The following PROM1 variants were observed in gnomAD, a reference collection of about 807,000 sequenced individuals.
PROM1 encodes the protein prominin 1.
PROM1 carries 105 observed loss-of-function variants against 116.9 expected under a neutral mutation model. The observed-to-expected ratio is 0.90, with a 90% CI of 0.77 to 1.06. The LOEUF (loss-of-function observed/expected upper bound fraction) is 1.06. PROM1 is among the 50% of genes least tolerant of loss of function. The pLI, the probability that PROM1 is intolerant of heterozygous loss-of-function variation, is 0.00. For synonymous variants in PROM1, 393 were observed against 387.0 expected, an observed-to-expected ratio of 1.02 and a Z score of -0.18; for missense variants, 1,122 against 1,045.2, an observed-to-expected ratio of 1.07 and a Z score of -1.01.
chr4:16,060,100 G>A (rs1422139299), intron 2 of PROM1, among the ~76,000 whole-genome samples: 2 of 152,146 alleles, frequency 1.3e-5, no homozygotes, highest in Non-Finnish European at 2.9e-5. Flanking sequence ...GATAACAATG[G>A]TTGCCTATAA....
Position 16,072,012 on chromosome 4 carries a change from G to A in PROM1, c.220+3675C>T, listed in dbSNP as rs2149566146. On this transcript the variant is annotated intron_variant, in intron 2 of 27. Transcript: ENST00000447510. ...AATGAGCCTAAGCCCCCTGTGTAGAGTAATCCTTTTGCAGCTTCAGGCCAA... is the reference window on the plus strand; with the variant it reads ...AATGAGCCTAAGCCCCCTGTGTAGAATAATCCTTTTGCAGCTTCAGGCCAA... 2.0e-5 allele frequency among the ~76,000 whole-genome samples: 3 copies of A among 152,228 alleles called. No individual in the cohort carries two copies. The Middle Eastern group carries it at 0.01, about 518-fold the overall frequency.
intron 2 of PROM1, chr4:16,055,404 G>A (rs1278201578): frequency 4.4e-6 from 2 of 456,146 alleles, no homozygotes; most frequent in Non-Finnish European, 8.8e-6. Flanking sequence ...TGGCTGCAGG[G>A]TCTTAAATGA....
intron 8 of PROM1, among the ~76,000 whole-genome samples, chr4:16,020,673 C>CAAA (rs1338764638): frequency 1.3e-5 from 2 of 151,908 alleles, no homozygotes; most frequent in African/African-American, 2.4e-5. Context: ...CCACCACCAC[C>CAAA]AACAACAACA....
chr4:16,082,935 T>G (rs866488134), intron 1 of PROM1, among the ~76,000 whole-genome samples: 1 of 151,930 alleles, frequency 6.6e-6, no homozygotes, highest in Non-Finnish European at 1.5e-5. Flanking sequence ...AGGGTGCGCC[T>G]TGAGCACCCC....
chr4:16,053,968 C>G (rs1029195281), intron 2 of PROM1, among the ~76,000 whole-genome samples: 1 of 152,204 alleles, frequency 6.6e-6, no homozygotes, highest in Non-Finnish European at 1.5e-5. Context: ...GTGGTGAGCA[C>G]TTGTCATCCC....
chr4:16,023,909 A>G (rs529226570), intron 7 of PROM1, among the ~76,000 whole-genome samples: 1 of 152,314 alleles, frequency 6.6e-6, no homozygotes, highest in South Asian at 2.1e-4. Context: ...CGTGGCATGC[A>G]GGGTTGAGCC....
intron 1 of PROM1, chr4:16,079,432 A>C (rs1744582553): frequency 6.6e-6 from 1 of 152,234 alleles, no homozygotes; most frequent in African/African-American, 2.4e-5. Flanking sequence ...TTTAAAGTAC[A>C]TTTTAAGAAA....
chr4:15,979,848 A>C (rs1349184594), intron 25 of PROM1, 33 bp downstream of exon 25: 3 of 1,435,370 alleles, frequency 2.1e-6, no homozygotes, highest in Non-Finnish European at 2.9e-6. Context: ...CCCCCATCCC[A>C]TCTAGGAATA....
intron 2 of PROM1, among the ~76,000 whole-genome samples, chr4:16,048,480 A>T (rs1035292644): frequency 1.3e-5 from 2 of 152,168 alleles, no homozygotes; most frequent in Admixed American, 6.5e-5. Context: ...GAAGCTTCAG[A>T]CTTTTAGAAG....
chr4:16,035,725 A>C lies in PROM1; in HGVS notation c.303+10T>G, dbSNP rs181648802. Reference sequence around the variant, plus strand: ...CAAGAGCAACTTGAAATAGCAGACAAGGACTTTACCTTTAGACCTAAGATT... The same window carrying C: ...CAAGAGCAACTTGAAATAGCAGACACGGACTTTACCTTTAGACCTAAGATT... On this transcript the variant is annotated intron_variant, in intron 4 of 27. Transcript: ENST00000447510. 3.1e-5 allele frequency: 50 copies of C among 1,611,446 alleles called. No individual in the cohort carries two copies. In the Admixed American group the frequency reaches 6.7e-4, roughly 21 times the overall value.
At position 16,013,341 on chromosome 4, in the gene PROM1, G is replaced by GA; in HGVS notation, c.1078-4dup. The stretch of plus-strand genomic sequence containing the variant: ...ATATCATTAAGGGATTGATAGCCCT[G>GA]AAAAATATTTCAAAATAAAAGGATG... On this transcript the variant is annotated splice_region_variant and splice_polypyrimidine_tract_variant and intron_variant, in intron 10 of 27. Transcript: ENST00000447510. 6.3e-7 allele frequency: 1 copy of GA among 1,595,956 alleles called. No homozygotes were observed. Among genetic ancestry groups the GA allele is most frequent in the South Asian group, 1.1e-5 (1 of 90,668 alleles).
chr4:16,012,477 C>T (rs2149268475), intron 11 of PROM1, among the ~76,000 whole-genome samples: 1 of 152,300 alleles, frequency 6.6e-6, no homozygotes, highest in African/African-American at 2.4e-5. Context: ...AAATTGTAAG[C>T]AACCTAAGGA....
intron 26 of PROM1, among the ~76,000 whole-genome samples, chr4:15,974,118 T>TTCTCTCTCTCTCTCTCTC (rs35011290): frequency 5.4e-5 from 8 of 149,474 alleles, no homozygotes; most frequent in African/African-American, 2.0e-4. Context: ...CTCTCTCTCT[T>TTCTCTCTCTCTCTCTCTC]TCTCTCTCTC....
chr4:16,055,008 A>G (rs1578234726), intron 2 of PROM1, among the ~76,000 whole-genome samples: 1 of 152,214 alleles, frequency 6.6e-6, no homozygotes, highest in Admixed American at 6.5e-5. Flanking sequence ...CTACGTAAAT[A>G]CATTTGTCTA....
rs1714458672 is a variant in PROM1 at position 15,971,182 on chromosome 4, G to C, written c.2583-100C>G. On this transcript the variant is annotated intron_variant, in intron 26 of 27. Transcript: ENST00000447510. ...AAGCAGGCATGTGACTAAAGGTACA[G>C]ACGAATATAAACCACACCTCATAAA... is the stretch of plus-strand genomic sequence containing the variant. 3 of 991,038 alleles carry C rather than the reference G, an allele frequency of 3.0e-6. No individual in the cohort carries two copies. The East Asian group carries it at 7.9e-5, about 26-fold the overall frequency. 61.4% of individuals were successfully genotyped at this position (991,038 alleles called of 1,614,324 possible).
At chr4:15,980,326 C>T in intron 24 of PROM1, 96 bp downstream of exon 24, 1 of 704,982 alleles carries the variant, frequency 1.4e-6, no homozygotes, top group Non-Finnish European at 2.3e-6. Flanking sequence ...AAAAAGAAAT[C>T]AACTTTAACC....
intron 23 of PROM1, among the ~76,000 whole-genome samples, chr4:15,981,385 G>A (rs898281638): frequency 1.3e-5 from 2 of 151,700 alleles, no homozygotes; most frequent in African/African-American, 4.8e-5. Flanking sequence ...TCTGGCCAAC[G>A]TAGTGAAACC....
chr4:15,989,846 A>C, intron 18 of PROM1, 22 bp from the exon 19 acceptor site: 4 of 1,545,380 alleles, frequency 2.6e-6, no homozygotes, highest in Non-Finnish European at 3.5e-6. Flanking sequence ...ATAAAAAACA[A>C]AGATCAATAC....
At chr4:16,064,440 G>C (rs975542245) in intron 2 of PROM1, among the ~76,000 whole-genome samples, 1 of 152,168 alleles carries the variant, frequency 6.6e-6, no homozygotes, top group Non-Finnish European at 1.5e-5. Context: ...GTTACCCTTG[G>C]GAGGAGGCAG....
Sources: gnomAD v4.1 joint callset for allele counts (sites outside exome capture counted in the v4.1 genomes callset) on GRCh38, gnomAD v4.1.1 for gene constraint, MANE v1.5 for transcripts, NCBI Gene and HGNC (gene_info 2026-07-23, HGNC 2026-07-21) for gene names.